Variants in SMAD2 observed in about 807,000 individuals in gnomAD.
The protein encoded by SMAD2 is MAD homolog 2.
In SMAD2, 8 loss-of-function variants were observed where a neutral mutation model predicts 64.4. The observed-to-expected ratio is 0.12, with a 90% CI of 0.07 to 0.22. The LOEUF (loss-of-function observed/expected upper bound fraction) is 0.22. Ranked by LOEUF, SMAD2 falls within the 10% of genes least tolerant of loss-of-function variation. The probability of loss-of-function intolerance (pLI) is 1.00; values close to 1 mark genes in which losing one functional copy is unlikely to be tolerated. For synonymous variants in SMAD2, 203 were observed against 195.8 expected (o/e 1.04, Z -0.31); for missense variants, 289 against 561.2 (o/e 0.51, Z 4.90).
At position 47,819,006 on chromosome 18, in the gene SMAD2, T is replaced by C. The variant is rs979145656; in HGVS notation, c.*22821A>G. ...GTTTAGGTGTGTTTACACATATGTA[T>C]ATATATGTTGTATGTTGTGTCTACG... On this transcript the variant is annotated 3_prime_UTR_variant, in exon 11 of 11. Coordinates refer to ENST00000262160, the MANE Select transcript of SMAD2 (RefSeq NM_005901.6). 9.2e-5 allele frequency: 14 copies of C among 152,272 alleles called. No individual in the cohort carries two copies. The highest frequency in any genetic ancestry group is 7.8e-4 in the Admixed American group (12 of 15,292). The allele number at this position is 152,272 out of a possible 1,614,324, so 9.4% of individuals were successfully genotyped here.
chr18:47,906,933 G>T (rs1015475958), intron 1 of SMAD2, among the ~76,000 whole-genome samples: 17 of 152,028 alleles, frequency 1.1e-4, no homozygotes, highest in African/African-American at 4.1e-4. Flanking sequence ...GATAATCCAG[G>T]ATCATCTCTC....
chr18:47,857,428 G>GA (rs1368385513), intron 6 of SMAD2, among the ~76,000 whole-genome samples: 1 of 152,098 alleles, frequency 6.6e-6, no homozygotes, highest in Non-Finnish European at 1.5e-5. Flanking sequence ...TTCATAATGA[G>GA]AAAAAAGGCT....
chr18:47,843,180 G>C (rs892812788), intron 10 of SMAD2, among the ~76,000 whole-genome samples: 1 of 152,318 alleles, frequency 6.6e-6, no homozygotes, highest in East Asian at 1.9e-4. Flanking sequence ...AAAAAGGCTA[G>C]AGGTGCCAGG....
intron 1 of SMAD2, among the ~76,000 whole-genome samples, chr18:47,914,634 T>A (rs2034265795): frequency 6.6e-6 from 1 of 151,712 alleles, no homozygotes; most frequent in Non-Finnish European, 1.5e-5. Context: ...TACCTTTTGC[T>A]AAGTCATAAT....
intron 2 of SMAD2, among the ~76,000 whole-genome samples, chr18:47,893,458 C>T (rs1190843671): frequency 6.6e-6 from 1 of 152,198 alleles, no homozygotes; most frequent in Non-Finnish European, 1.5e-5. Context: ...ATCAGCTGAA[C>T]TTAGTTGTAT....
Position 47,840,291 on chromosome 18 carries a change from A to G in SMAD2, c.*1536T>C. The G allele has an allele frequency of 8.6e-6, 2 of 233,038 alleles. No individual in the cohort carries two copies. Among genetic ancestry groups the G allele is most frequent in the Non-Finnish European group, 1.7e-5 (2 of 117,892 alleles). The allele number at this position is 233,038 out of a possible 1,614,324, so 14.4% of individuals were successfully genotyped here. The stretch of plus-strand genomic sequence containing the variant: ...GAAAATTTATGAAAAGACGACCAGG[A>G]GTGGTTATTTTCCATTTCTACTAAG... On this transcript the variant is annotated 3_prime_UTR_variant, in exon 11 of 11. Coordinates refer to ENST00000262160, the MANE Select transcript of SMAD2 (RefSeq NM_005901.6).
chr18:47,906,119 A>AG (rs1387414837), intron 1 of SMAD2, among the ~76,000 whole-genome samples: 3 of 152,020 alleles, frequency 2.0e-5, no homozygotes, highest in African/African-American at 7.3e-5. Flanking sequence ...TGTCTCAAAA[A>AG]GAAAAAAAAA....
chr18:47,823,806 A>G lies in SMAD2; in HGVS notation c.*18021T>C, dbSNP rs1181638717. ...TGCAAACTGGGATTGTCACATTACT[A>G]TTAATTTTGTGTATTTCCTTTTTAA... On this transcript the variant is annotated 3_prime_UTR_variant, in exon 11 of 11. Coordinates refer to ENST00000262160, the MANE Select transcript of SMAD2 (RefSeq NM_005901.6). 6.6e-6 allele frequency: 1 copy of G among 152,210 alleles called. No individual in the cohort carries two copies. The highest frequency in any genetic ancestry group is 1.5e-5 in the Non-Finnish European group (1 of 68,028). 9.4% of individuals were successfully genotyped at this position (152,210 alleles called of 1,614,324 possible).
Position 47,829,512 on chromosome 18 carries a change from C to A in SMAD2, c.*12315G>T, listed in dbSNP as rs1004560746. 5.9e-5 allele frequency: 9 copies of A among 152,074 alleles called. No homozygotes were observed. The highest frequency in any genetic ancestry group is 1.3e-4 in the Non-Finnish European group (9 of 68,006). The allele number at this position is 152,074 out of a possible 1,614,324, so 9.4% of individuals were successfully genotyped here. A position where few individuals can be genotyped will look rare whatever the true frequency, so the allele number is the denominator to read the frequency against. On this transcript the variant is annotated 3_prime_UTR_variant, in exon 11 of 11. Coordinates refer to ENST00000262160, the MANE Select transcript of SMAD2 (RefSeq NM_005901.6). ...CGATCTTTTAAAGAATATAAACAAG[C>A]CAGATTCTTAGGTATCTCTCCCTTT...
intron 1 of SMAD2, among the ~76,000 whole-genome samples, chr18:47,921,156 C>A (rs1598900368): frequency 6.6e-6 from 1 of 150,936 alleles, no homozygotes; most frequent in East Asian, 1.9e-4. Flanking sequence ...GACACTGTCT[C>A]AAAAAAAAAT....
At chr18:47,844,861 T>C (rs1914341546) in intron 10 of SMAD2, 1 of 200,020 alleles carries the variant, frequency 5.0e-6, no homozygotes, top group Non-Finnish European at 1.0e-5. Flanking sequence ...CCTCTTAACC[T>C]ACATCTAGTT....
In SMAD2 at chr18:47,841,547, A is replaced by G; in HGVS notation, c.*280T>C. The G allele has an allele frequency of 2.0e-6, 1 of 488,538 alleles. No individual in the cohort carries two copies. Among genetic ancestry groups the G allele is most frequent in the East Asian group, 3.6e-5 (1 of 28,074 alleles). The allele number at this position is 488,538 out of a possible 1,614,324, so 30.3% of individuals were successfully genotyped here. ...ACACATAACTACTACTGTTATTAAT[A>G]AACCTTTGGGACACTCAGTTTTATG... On this transcript the variant is annotated 3_prime_UTR_variant, in exon 11 of 11. Transcript: ENST00000262160.
At position 47,830,002 on chromosome 18, in the gene SMAD2, T is replaced by C. The variant is rs1262796507; in HGVS notation, c.*11825A>G. ...TTCCCCCACTGACAACTTCAAAGCA[T>C]AGCAAGAATCCACAGTGGTTTGCAG... On this transcript the variant is annotated 3_prime_UTR_variant, in exon 11 of 11. Transcript: ENST00000262160. 2 of 152,234 alleles carry C rather than the reference T, an allele frequency of 1.3e-5. No individual in the cohort carries two copies. The highest frequency in any genetic ancestry group is 2.9e-5 in the Non-Finnish European group (2 of 68,036). The allele number at this position is 152,234 out of a possible 1,614,324, so 9.4% of individuals were successfully genotyped here.
At chr18:47,929,942 G>A (rs1037164221) in intron 1 of SMAD2, among the ~76,000 whole-genome samples, 1 of 152,012 alleles carries the variant, frequency 6.6e-6, no homozygotes, top group African/African-American at 2.4e-5. Flanking sequence ...GTACACACAA[G>A]CCATGGAAAA....
At chr18:47,924,802 T>G (rs1826700042) in intron 1 of SMAD2, among the ~76,000 whole-genome samples, 1 of 152,224 alleles carries the variant, frequency 6.6e-6, no homozygotes, top group African/African-American at 2.4e-5. Context: ...GTGATGAGGA[T>G]GGAACGTTTC....
intron 2 of SMAD2, among the ~76,000 whole-genome samples, chr18:47,882,969 A>G (rs914392270): frequency 1.3e-5 from 2 of 152,140 alleles, no homozygotes; most frequent in Non-Finnish European, 2.9e-5. Context: ...TTCAGTACCA[A>G]TATAGGTCAT....
intron 6 of SMAD2, among the ~76,000 whole-genome samples, chr18:47,860,740 A>G (rs1433823495): frequency 6.6e-6 from 1 of 152,208 alleles, no homozygotes; most frequent in East Asian, 1.9e-4. Context: ...CATAGATGGA[A>G]AAATTCTCAA....
At chr18:47,882,692 T>C (rs1038763037) in intron 2 of SMAD2, among the ~76,000 whole-genome samples, 29 of 152,206 alleles carry the variant, frequency 1.9e-4, no homozygotes, top group African/African-American at 7.0e-4. Context: ...GTCTATAAGA[T>C]TGGTGATATT....
rs545741097 is a variant in SMAD2, at chr18:47,824,976, C to T, written c.*16851G>A. On this transcript the variant is annotated 3_prime_UTR_variant, in exon 11 of 11. Transcript: ENST00000262160. The stretch of plus-strand genomic sequence containing the variant: ...ACATTTTCCATTGAATATACACAGA[C>T]ATACAAATAAAGACTGGAAAAAATA... 31 of 152,276 alleles carry T rather than the reference C, an allele frequency of 2.0e-4. No individual in the cohort carries two copies. The highest frequency in any genetic ancestry group is 7.0e-4 in the African/African-American group (29 of 41,554). 9.4% of individuals were successfully genotyped at this position (152,276 alleles called of 1,614,324 possible).
Sources: gnomAD v4.1 joint callset for allele counts (sites outside exome capture counted in the v4.1 genomes callset) on GRCh38, gnomAD v4.1.1 for gene constraint, MANE v1.5 for transcripts, NCBI Gene and HGNC (gene_info 2026-07-23, HGNC 2026-07-21) for gene names.